TBC1D31: variants seen among roughly 807,000 people sequenced by gnomAD.
The protein encoded by TBC1D31 is TBC1 domain family member 31, also known as WD repeat domain 67.
A neutral mutation model predicts 132.9 loss-of-function variants in TBC1D31; 99 were observed. The ratio of observed to expected loss-of-function variants is 0.74; its 90% CI spans 0.63 to 0.88. The LOEUF (loss-of-function observed/expected upper bound fraction) is 0.88. Ranked by LOEUF, TBC1D31 falls within the 40% of genes least tolerant of loss-of-function variation. The pLI is 0.00. For synonymous variants in TBC1D31, 385 were observed against 419.4 expected, an observed-to-expected ratio of 0.92 and a Z score of 1.00; for missense variants, 1,134 against 1,256.6, an observed-to-expected ratio of 0.90 and a Z score of 1.48.
In TBC1D31 at chr8:123,142,250, A is replaced by G. The variant is rs1403585460; in HGVS notation, c.2641-12A>G. On this transcript the variant is annotated splice_polypyrimidine_tract_variant and intron_variant, in intron 18 of 21. Transcript: ENST00000287380. ...TTTGACCTTGTTTCTGAAATGTATA[A>G]CTTTTTCCTAGGTGATTAAAGAAAA... is the stretch of plus-strand genomic sequence containing the variant. The G allele has an allele frequency of 6.4e-7, 1 of 1,556,730 alleles. No homozygotes were observed. The highest frequency in any genetic ancestry group is 1.4e-5 in the African/African-American group (1 of 72,242).
chr8:123,152,379 C>T (rs954531655), downstream of TBC1D31, among the ~76,000 whole-genome samples: 1 of 152,108 alleles, frequency 6.6e-6, no homozygotes, highest in East Asian at 1.9e-4. Context: ...AGCGGGACCC[C>T]CTCTTTGTCA....
At chr8:123,084,007 C>G in intron 3 of TBC1D31, 155 bp from the exon 4 acceptor site, 1 of 618,796 alleles carries the variant, frequency 1.6e-6, no homozygotes, top group Non-Finnish European at 2.8e-6. Context: ...ACTTTATCAA[C>G]TAGCCACAAG....
chr8:123,117,548 A>C (rs1819048106), intron 10 of TBC1D31, among the ~76,000 whole-genome samples: 1 of 151,250 alleles, frequency 6.6e-6, no homozygotes, highest in Non-Finnish European at 1.5e-5. Context: ...AGGTCAGGAG[A>C]TCGAGACCAT....
At chr8:123,145,201 G>A (rs1822076627) in intron 20 of TBC1D31, among the ~76,000 whole-genome samples, 1 of 152,206 alleles carries the variant, frequency 6.6e-6, no homozygotes, top group East Asian at 1.9e-4. Flanking sequence ...TGGGATTATA[G>A]GCGTGAGCCA....
chr8:123,145,270 C>G (rs1183328923), intron 20 of TBC1D31, among the ~76,000 whole-genome samples: 7 of 152,158 alleles, frequency 4.6e-5, no homozygotes, highest in African/African-American at 1.7e-4. Context: ...ATTCAATCTA[C>G]TGCTCAAGTA....
At chr8:123,082,860 T>C (rs184476506) in intron 3 of TBC1D31, 43 bp downstream of exon 3, 2 of 1,372,698 alleles carry the variant, frequency 1.5e-6, no homozygotes, top group East Asian at 2.3e-5. Context: ...GAGTAAAATA[T>C]AAACTGAAGA....
chr8:123,107,301 C>A (rs914874746), intron 8 of TBC1D31, among the ~76,000 whole-genome samples: 1 of 152,164 alleles, frequency 6.6e-6, no homozygotes, highest in African/African-American at 2.4e-5. Flanking sequence ...CCCATTTCCA[C>A]ATGAAGAAAT....
At chr8:123,093,330 A>G (rs549218285) in intron 4 of TBC1D31, among the ~76,000 whole-genome samples, 24 of 152,038 alleles carry the variant, frequency 1.6e-4, no homozygotes, top group Admixed American at 4.6e-4. Context: ...ATTAGGTGAA[A>G]TTTTTTAAAC....
chr8:123,074,279 C>CG (rs1554601396), intron 1 of TBC1D31, among the ~76,000 whole-genome samples: 1 of 152,020 alleles, frequency 6.6e-6, no homozygotes, highest in Non-Finnish European at 1.5e-5. Context: ...CTTGGCCTCC[C>CG]GAAGTACTGG....
At chr8:123,112,425 C>T (rs1818536202) in intron 10 of TBC1D31, among the ~76,000 whole-genome samples, 1 of 152,110 alleles carries the variant, frequency 6.6e-6, no homozygotes. Context: ...ATCCTTTTAG[C>T]AAATATCTTA....
intron 7 of TBC1D31, among the ~76,000 whole-genome samples, chr8:123,104,598 T>C (rs1817744437): frequency 6.6e-6 from 1 of 152,210 alleles, no homozygotes; most frequent in African/African-American, 2.4e-5. Context: ...AAGGAAGATC[T>C]TTTGATTTCA....
In TBC1D31 at chr8:123,142,373, C is replaced by CA; in HGVS notation, c.2753dup (p.Glu919GlyfsTer7). On this transcript the variant is annotated frameshift_variant, in exon 19 of 22. Coordinates refer to ENST00000287380, the MANE Select transcript of TBC1D31 (RefSeq NM_145647.4). LOFTEE classifies it high-confidence loss of function. Reference sequence around the variant, plus strand: ...TGATCTACAACGAAACAAATGTTACCAGGAAGTAGCCAAACTCCTTAGGGA... The same window carrying CA: ...TGATCTACAACGAAACAAATGTTACCAAGGAAGTAGCCAAACTCCTTAGGGA... 6.2e-7 allele frequency: 1 copy of CA among 1,607,912 alleles called. No individual in the cohort carries two copies. Among genetic ancestry groups the CA allele is most frequent in the South Asian group, 1.1e-5 (1 of 89,886 alleles).
At chr8:123,127,341 G>C (rs1820167740) in intron 13 of TBC1D31, among the ~76,000 whole-genome samples, 1 of 134,542 alleles carries the variant, frequency 7.4e-6, no homozygotes. Context: ...CACAGTCCCG[G>C]TTCACTGCAA....
intron 4 of TBC1D31, among the ~76,000 whole-genome samples, chr8:123,091,871 A>C (rs1301721439): frequency 1.3e-5 from 2 of 152,248 alleles, no homozygotes; most frequent in Admixed American, 6.5e-5. Context: ...CAACTTTACT[A>C]TCAGTTTCAT....
At chr8:123,134,281 C>A in intron 17 of TBC1D31, 75 bp downstream of exon 17, 1 of 1,155,804 alleles carries the variant, frequency 8.7e-7, no homozygotes, top group Non-Finnish European at 1.3e-6. Flanking sequence ...GTAATCCCAG[C>A]ACTTTGGGAG....
chr8:123,152,070 ATG>A lies in TBC1D31; in HGVS notation c.*135_*136del. On this transcript the variant is annotated 3_prime_UTR_variant, in exon 22 of 22. Transcript: ENST00000287380. The stretch of plus-strand genomic sequence containing the variant: ...ACAGAAAAATGTGTCTATAAAAATT[ATG>A]TGTTATTTAATTCTGATACTTTTTG... 3.3e-6 allele frequency: 3 copies of A among 898,628 alleles called. No individual in the cohort carries two copies. The highest frequency in any genetic ancestry group is 4.5e-6 in the Non-Finnish European group (3 of 671,778). The allele number at this position is 898,628 out of a possible 1,614,324, so 55.7% of individuals were successfully genotyped here. A position where few individuals can be genotyped will look rare whatever the true frequency, so the allele number is the denominator to read the frequency against.
intron 10 of TBC1D31, among the ~76,000 whole-genome samples, 177 bp downstream of exon 10, chr8:123,109,797 G>A (rs1818278354): frequency 6.6e-6 from 1 of 152,136 alleles, no homozygotes; most frequent in African/African-American, 2.4e-5. Flanking sequence ...AGTTTGTGTT[G>A]TGTTCTAGAA....
At chr8:123,163,187 T>C in the TBC1D31 span, among the ~76,000 whole-genome samples, 4 of 152,040 alleles carry the variant, frequency 2.6e-5, no homozygotes, top group Admixed American at 2.6e-4. Flanking sequence ...CCCAGAGTGC[T>C]GGGATTACAG....
intron 16 of TBC1D31, among the ~76,000 whole-genome samples, chr8:123,132,029 G>T (rs1820678013): frequency 6.6e-6 from 1 of 152,160 alleles, no homozygotes; most frequent in Admixed American, 6.5e-5. Flanking sequence ...CAAGTCAATT[G>T]TCCCAACACC....
Sources: gnomAD v4.1 joint callset for allele counts (sites outside exome capture counted in the v4.1 genomes callset) on GRCh38, gnomAD v4.1.1 for gene constraint, MANE v1.5 for transcripts, NCBI Gene and HGNC (gene_info 2026-07-23, HGNC 2026-07-21) for gene names.